Variants in SORCS3 observed in about 807,000 individuals in gnomAD.
SORCS3 encodes sortilin related VPS10 domain containing receptor 3, also known as VPS10 domain-containing receptor SorCS3.
A neutral mutation model predicts 146.3 loss-of-function variants in SORCS3; 57 were observed. That is an observed-to-expected ratio of 0.39 (90% CI 0.31 to 0.49). The LOEUF is 0.49. Among genes scored for constraint, SORCS3 ranks in the 20% least tolerant of loss-of-function variants. SORCS3 has a pLI of 0.92. For synonymous variants in SORCS3, 653 were observed against 618.5 expected, an observed-to-expected ratio of 1.06 and a Z score of -0.83; for missense variants, 1,341 against 1,575.5, an observed-to-expected ratio of 0.85 and a Z score of 2.52.
At chr10:104,752,646 C>T (rs2491368) in intron 1 of SORCS3, among the ~76,000 whole-genome samples, 123,036 of 152,154 alleles carry the variant, frequency 0.81, 50,160 homozygotes, top group East Asian at 0.94. Context: ...ATTGTTGTTA[C>T]ATCTGTGCAG....
chr10:105,202,805 GA>G (rs565822582), intron 16 of SORCS3, among the ~76,000 whole-genome samples: 87 of 152,328 alleles, frequency 5.7e-4, no homozygotes, highest in Non-Finnish European at 1.1e-3. Context: ...CCAGCTGGAT[GA>G]ATTCTTCCCC....
intron 9 of SORCS3, among the ~76,000 whole-genome samples, chr10:105,154,766 C>T (rs951338913): frequency 2.6e-5 from 4 of 152,034 alleles, no homozygotes; most frequent in African/African-American, 4.8e-5. Flanking sequence ...TACATGTGTA[C>T]ACATACATGC....
chr10:105,204,530 T>A (rs1204920499), intron 16 of SORCS3, among the ~76,000 whole-genome samples: 1 of 152,110 alleles, frequency 6.6e-6, no homozygotes, highest in African/African-American at 2.4e-5. Flanking sequence ...AGGTGTATGG[T>A]CTCCAAAAAT....
rs117894799 is a variant in SORCS3 at position 104,981,542 on chromosome 10, G to A, written c.954+4049G>A. On this transcript the variant is annotated intron_variant, in intron 4 of 26. Coordinates refer to ENST00000369701, the MANE Select transcript of SORCS3 (RefSeq NM_014978.3). ...TGACTGAAACAGCTTACACTGTGAT[G>A]TGTTTAGATTAGCTGGAGGGCTCAA... 9.8e-3 allele frequency among the ~76,000 whole-genome samples: 1,494 copies of A among 152,298 alleles called. 12 individuals are homozygous for A. The highest frequency in any genetic ancestry group is 0.014 in the Non-Finnish European group (936 of 68,024).
chr10:104,681,133 A>G (rs892856928), intron 1 of SORCS3, among the ~76,000 whole-genome samples: 4 of 152,214 alleles, frequency 2.6e-5, no homozygotes, highest in African/African-American at 9.6e-5. Context: ...CGGGAAATGT[A>G]CGTTATTTAT....
chr10:105,143,812 C>T (rs773519572), intron 8 of SORCS3, among the ~76,000 whole-genome samples: 6 of 152,092 alleles, frequency 3.9e-5, no homozygotes, highest in Non-Finnish European at 7.4e-5. Context: ...TCCCTTCTCC[C>T]GCTGTAGATT....
intron 2 of SORCS3, among the ~76,000 whole-genome samples, chr10:104,914,691 G>A (rs2019006525): frequency 6.6e-6 from 1 of 152,214 alleles, no homozygotes; most frequent in Admixed American, 6.5e-5. Flanking sequence ...CTGAAGCTGA[G>A]CTGTTGGCCA....
At chr10:104,858,448 T>G (rs2018358990) in intron 2 of SORCS3, among the ~76,000 whole-genome samples, 1 of 152,230 alleles carries the variant, frequency 6.6e-6, no homozygotes, top group South Asian at 2.1e-4. Flanking sequence ...TCATCTGTTT[T>G]GGAGATTTAG....
chr10:104,751,924 CATATATATATATATATATATATATATAT>C (rs71482435), intron 1 of SORCS3, among the ~76,000 whole-genome samples: 6,074 of 38,598 alleles, frequency 0.16, 747 homozygotes, highest in African/African-American at 0.31. Flanking sequence ...TAATAGGAAG[CATATATATATATATATATATATATATAT>C]ATATATATAT....
intron 13 of SORCS3, among the ~76,000 whole-genome samples, chr10:105,168,564 C>A (rs1047972182): frequency 9.9e-5 from 15 of 152,126 alleles, no homozygotes; most frequent in African/African-American, 3.6e-4. Context: ...CCTAGCCTAA[C>A]TACCAGGTCT....
intron 4 of SORCS3, among the ~76,000 whole-genome samples, chr10:104,981,688 C>T (rs2054932353): frequency 6.6e-6 from 1 of 152,136 alleles, no homozygotes; most frequent in South Asian, 2.1e-4. Flanking sequence ...AAACATTCCT[C>T]ATTTTGACAA....
Position 105,247,235 on chromosome 10 carries a change from G to C in SORCS3, c.3009G>C (p.Gln1003His), listed in dbSNP as rs1025987848. 2.5e-6 allele frequency: 4 copies of C among 1,601,836 alleles called. No homozygotes were observed. The highest frequency in any genetic ancestry group is 3.4e-6 in the Non-Finnish European group (4 of 1,170,752). The change falls in exon 22 of 27, where the codon CAG (glutamine) becomes CAC (histidine). Residue 1003 changes from glutamine to histidine, a missense_variant. By Grantham distance (24) the Gln-to-His change is conservative. Coordinates refer to ENST00000369701, the MANE Select transcript of SORCS3 (RefSeq NM_014978.3). ...TCCCTGCAGAATATTTCCAGTCCCA[G>C]CTTTTATCATTCTCTCCTAATCTGG... ...EIAVHEYFQSQLLSFSPNLDY... is the reference protein window; with the variant it reads ...EIAVHEYFQSHLLSFSPNLDY...
chr10:104,721,077 C>G (rs753156839), intron 1 of SORCS3, among the ~76,000 whole-genome samples: 7 of 152,130 alleles, frequency 4.6e-5, no homozygotes, highest in Non-Finnish European at 4.4e-5. Flanking sequence ...ATGGTATTAC[C>G]TAGGTTTTCT....
At chr10:104,952,488 T>C (rs1471901304) in intron 3 of SORCS3, among the ~76,000 whole-genome samples, 1 of 152,158 alleles carries the variant, frequency 6.6e-6, no homozygotes, top group Admixed American at 6.6e-5. Context: ...ATATTAAAGT[T>C]TGAAACGCAT....
At chr10:105,189,872 A>G (rs1001395586) in intron 14 of SORCS3, among the ~76,000 whole-genome samples, 14 of 152,202 alleles carry the variant, frequency 9.2e-5, no homozygotes, top group Admixed American at 3.3e-4. Context: ...GGCTAAGCCA[A>G]TAGACTCATA....
chr10:104,992,430 G>C (rs762054354), intron 4 of SORCS3, among the ~76,000 whole-genome samples: 8 of 152,154 alleles, frequency 5.3e-5, no homozygotes, highest in Non-Finnish European at 1.2e-4. Flanking sequence ...TTGGCATTTT[G>C]TTTTTGTTCT....
chr10:105,119,407 C>T (rs1326223759), intron 7 of SORCS3, among the ~76,000 whole-genome samples: 1 of 152,116 alleles, frequency 6.6e-6, no homozygotes, highest in African/African-American at 2.4e-5. Context: ...GGGGTGCGAG[C>T]CTCCACATAG....
intron 1 of SORCS3, among the ~76,000 whole-genome samples, chr10:104,661,688 G>GATAT (rs1017330270): frequency 1.3e-5 from 2 of 152,104 alleles, no homozygotes; most frequent in African/African-American, 4.8e-5. Flanking sequence ...TAGATAGATA[G>GATAT]ATAGATAGAT....
At chr10:104,935,464 A>G (rs975600049) in intron 3 of SORCS3, among the ~76,000 whole-genome samples, 2 of 152,128 alleles carry the variant, frequency 1.3e-5, no homozygotes, top group Non-Finnish European at 2.9e-5. Flanking sequence ...AGGGTTGGCA[A>G]TTTATAAAGC....
Sources: gnomAD v4.1 joint callset for allele counts (sites outside exome capture counted in the v4.1 genomes callset) on GRCh38, gnomAD v4.1.1 for gene constraint, MANE v1.5 for transcripts, NCBI Gene and HGNC (gene_info 2026-07-23, HGNC 2026-07-21) for gene names.